Variants in PDGFC observed in about 807,000 individuals in gnomAD.
PDGFC encodes platelet derived growth factor C.
A neutral mutation model predicts 35.5 loss-of-function variants in PDGFC; 12 were observed. The ratio of observed to expected loss-of-function variants is 0.34; its 90% CI spans 0.22 to 0.55. The LOEUF (loss-of-function observed/expected upper bound fraction) is 0.55. Ranked by LOEUF, PDGFC falls within the 20% of genes least tolerant of loss-of-function variation. PDGFC has a pLI of 0.91. For synonymous variants in PDGFC, 159 were observed against 148.8 expected (o/e 1.07, Z -0.50); for missense variants, 322 against 412.4 (o/e 0.78, Z 1.90).
intron 3 of PDGFC, among the ~76,000 whole-genome samples, chr4:156,797,441 A>T (rs1731476700): frequency 6.6e-6 from 1 of 152,046 alleles, no homozygotes; most frequent in African/African-American, 2.4e-5. Flanking sequence ...GATACGCAAA[A>T]AACAGAAGTG....
intron 1 of PDGFC, among the ~76,000 whole-genome samples, chr4:156,904,731 C>T (rs1730873538): frequency 6.6e-6 from 1 of 152,062 alleles, no homozygotes; most frequent in South Asian, 2.1e-4. Context: ...TAAAATAGTA[C>T]CTGCCAACAG....
chr4:156,763,122 C>T lies in PDGFC; in HGVS notation c.1006G>A (p.Asp336Asn). 6.2e-7 allele frequency: 1 copy of T among 1,609,900 alleles called. No homozygotes were observed. The highest frequency in any genetic ancestry group is 8.5e-7 in the Non-Finnish European group (1 of 1,176,232). The stretch of plus-strand genomic sequence containing the variant: ...CCTGTGCTCCCTCTGCACACACAGT[C>T]ACACTCCTCATGGTGCTCCAGGGCC... ...DVALEHHEECDCVCRGSTGG is the reference protein window; with the variant it reads ...DVALEHHEECNCVCRGSTGG Residue 336 changes from aspartate (D) to asparagine (N), a missense_variant, in exon 6 of 6, where the codon GAC becomes AAC. Asp to Asn is a conservative substitution (Grantham distance 23). Transcript: ENST00000502773.
chr4:156,863,097 TGC>T lies in PDGFC; in HGVS notation c.119-12683_119-12682del, dbSNP rs1452604347. Among the ~76,000 whole-genome samples the T allele has an allele frequency of 2.0e-5, 3 of 152,320 alleles. No homozygotes were observed. In the East Asian group the frequency reaches 5.8e-4, roughly 29 times the overall value. On this transcript the variant is annotated intron_variant, in intron 1 of 5. Transcript: ENST00000502773. ...CAACAAATAAAAACTAATTGTATCATGCACACTTAATTATTATGAAAACAGAA... is the reference window on the plus strand; with the variant it reads ...CAACAAATAAAAACTAATTGTATCATACACTTAATTATTATGAAAACAGAA...
chr4:156,956,887 T>C (rs1042499728), intron 1 of PDGFC, among the ~76,000 whole-genome samples: 2 of 152,004 alleles, frequency 1.3e-5, no homozygotes, highest in Non-Finnish European at 2.9e-5. Context: ...GTCCTCTAAA[T>C]ATACACGTTA....
intron 3 of PDGFC, among the ~76,000 whole-genome samples, chr4:156,809,837 T>G (rs576352590): frequency 4.6e-5 from 7 of 151,996 alleles, no homozygotes; most frequent in Non-Finnish European, 8.8e-5. Context: ...ATTTAAAATA[T>G]AAATAATATC....
chr4:156,769,978 A>C (rs1298423029), intron 4 of PDGFC, among the ~76,000 whole-genome samples: 6 of 152,032 alleles, frequency 3.9e-5, no homozygotes, highest in African/African-American at 1.4e-4. Flanking sequence ...TCAGCTCTCA[A>C]AGCATATTCA....
intron 3 of PDGFC, among the ~76,000 whole-genome samples, chr4:156,800,026 TTTTG>T (rs150281658): frequency 2.3e-4 from 35 of 152,212 alleles, no homozygotes; most frequent in African/African-American, 6.3e-4. Flanking sequence ...GATCTTAAAT[TTTTG>T]TTTCTTTCTC....
intron 1 of PDGFC, among the ~76,000 whole-genome samples, chr4:156,947,124 G>C (rs1731967552): frequency 6.6e-6 from 1 of 151,936 alleles, no homozygotes; most frequent in Admixed American, 6.6e-5. Flanking sequence ...CATCTGCTGG[G>C]ATTCTAGCTC....
Position 156,761,190 on chromosome 4 carries a change from C to A in PDGFC, c.*1900G>T, listed in dbSNP as rs1299974707. ...GAAGATACCAGCCCTGAATAGGAAT[C>A]TATGTCTGGAACTGAGGAACCATAT... On this transcript the variant is annotated 3_prime_UTR_variant, in exon 6 of 6. Coordinates refer to ENST00000502773, the MANE Select transcript of PDGFC (RefSeq NM_016205.3). 1 of 152,236 alleles carries A rather than the reference C, an allele frequency of 6.6e-6. No individual in the cohort carries two copies. Among genetic ancestry groups the A allele is most frequent in the Non-Finnish European group, 1.5e-5 (1 of 68,072 alleles). 9.4% of individuals were successfully genotyped at this position (152,236 alleles called of 1,614,324 possible).
intron 5 of PDGFC, 101 bp from the exon 6 acceptor site, chr4:156,763,307 G>T: frequency 3.5e-5 from 15 of 424,198 alleles, no homozygotes; most frequent in East Asian, 4.2e-5. Flanking sequence ...TGGGGCCCAA[G>T]AAAGACACAT....
At chr4:156,906,847 T>C (rs1459253040) in intron 1 of PDGFC, among the ~76,000 whole-genome samples, 1 of 152,170 alleles carries the variant, frequency 6.6e-6, no homozygotes, top group Non-Finnish European at 1.5e-5. Flanking sequence ...TCTTTAATTT[T>C]ACACTCACTT....
At chr4:156,846,539 G>A (rs1007993561) in intron 2 of PDGFC, among the ~76,000 whole-genome samples, 1 of 151,578 alleles carries the variant, frequency 6.6e-6, no homozygotes, top group Non-Finnish European at 1.5e-5. Flanking sequence ...TAAAGAAGAC[G>A]AAAGAGTTAC....
chr4:156,763,051 C>A lies in PDGFC; in HGVS notation c.*39G>T. 9.6e-7 allele frequency: 1 copy of A among 1,042,748 alleles called. No individual in the cohort carries two copies. The highest frequency in any genetic ancestry group is 1.5e-6 in the Non-Finnish European group (1 of 658,522). The allele number at this position is 1,042,748 out of a possible 1,614,324, so 64.6% of individuals were successfully genotyped here. On this transcript the variant is annotated 3_prime_UTR_variant, in exon 6 of 6. Transcript: ENST00000502773. Reference sequence around the variant, plus strand: ...TTCTCTAATAGAATCAGCCACTGCACTGCACAGCTCTGGGCAAGAGCTGCT... The same window carrying A: ...TTCTCTAATAGAATCAGCCACTGCAATGCACAGCTCTGGGCAAGAGCTGCT...
chr4:156,776,512 C>T (rs758112336), intron 3 of PDGFC, among the ~76,000 whole-genome samples: 3 of 152,226 alleles, frequency 2.0e-5, no homozygotes, highest in Admixed American at 6.5e-5. Context: ...GTGTTATCAC[C>T]TGCAGGGCAG....
intron 2 of PDGFC, among the ~76,000 whole-genome samples, chr4:156,827,583 T>C (rs1349206901): frequency 1.3e-5 from 2 of 151,952 alleles, no homozygotes; most frequent in Non-Finnish European, 2.9e-5. Flanking sequence ...AAAAACTAAA[T>C]CCAATGGTCC....
intron 3 of PDGFC, among the ~76,000 whole-genome samples, chr4:156,806,353 C>T (rs937524338): frequency 2.0e-5 from 3 of 151,942 alleles, no homozygotes; most frequent in African/African-American, 7.2e-5. Flanking sequence ...AACTGATATA[C>T]TCATTAAATG....
intron 1 of PDGFC, among the ~76,000 whole-genome samples, chr4:156,913,086 G>A (rs548591629): frequency 4.6e-5 from 7 of 151,952 alleles, no homozygotes; most frequent in Non-Finnish European, 8.8e-5. Context: ...TTGGTCTCTT[G>A]TTACCCCCTT....
chr4:156,930,371 C>T (rs1459803388), intron 1 of PDGFC, among the ~76,000 whole-genome samples: 2 of 152,150 alleles, frequency 1.3e-5, no homozygotes, highest in Admixed American at 6.5e-5. Flanking sequence ...GATTTTTGAG[C>T]TTAATCAATC....
intron 1 of PDGFC, among the ~76,000 whole-genome samples, chr4:156,959,405 C>T (rs934029705): frequency 5.3e-5 from 8 of 151,876 alleles, no homozygotes; most frequent in African/African-American, 1.9e-4. Context: ...GTTTACATGG[C>T]CCTGTAGCTT....
Sources: gnomAD v4.1 joint callset for allele counts (sites outside exome capture counted in the v4.1 genomes callset) on GRCh38, gnomAD v4.1.1 for gene constraint, MANE v1.5 for transcripts, NCBI Gene and HGNC (gene_info 2026-07-23, HGNC 2026-07-21) for gene names.